IGFBP7: variants seen among roughly 807,000 people sequenced by gnomAD.
The protein encoded by IGFBP7 is insulin like growth factor binding protein 7.
In IGFBP7, 31 loss-of-function variants were observed where a neutral mutation model predicts 29.4. The ratio of observed to expected loss-of-function variants is 1.05; its 90% confidence interval spans 0.79 to 1.42. The LOEUF is 1.42. Among genes scored for constraint, IGFBP7 ranks in the 40% most tolerant of loss-of-function variants. The pLI is 0.00. For missense variants in IGFBP7, 393 were observed against 395.5 expected, an observed-to-expected ratio of 0.99 and a Z score of 0.05; for synonymous variants, 172 against 174.9, an observed-to-expected ratio of 0.98 and a Z score of 0.13.
intron 1 of IGFBP7, among the ~76,000 whole-genome samples, chr4:57,099,604 G>C (rs1412800060): frequency 6.6e-6 from 1 of 152,186 alleles, no homozygotes; most frequent in Non-Finnish European, 1.5e-5. Flanking sequence ...CCTGGAAAAT[G>C]ATCAAACAGC....
intron 1 of IGFBP7, 108 bp downstream of exon 1, chr4:57,109,769 G>A: frequency 7.6e-7 from 1 of 1,312,066 alleles, no homozygotes; most frequent in Non-Finnish European, 1.0e-6. Flanking sequence ...TGCCCGCGGG[G>A]GAATCGCAGT....
chr4:57,032,108 A>AC, intron 4 of IGFBP7: 1 of 277,956 alleles, frequency 3.6e-6, no homozygotes, highest in Non-Finnish European at 6.4e-6. Flanking sequence ...TTTAATAGTC[A>AC]CAACACAAAG....
rs371219045 is a variant in IGFBP7, at chr4:57,086,603, G to GA, written c.475+23273dup. On this transcript the variant is annotated intron_variant, in intron 1 of 4. Transcript: ENST00000295666. ...CCACTTATATTTTGGCATTTGTGGG[G>GA]ATAGCTTGTCACCTTTTTGTGGTAA... Among the ~76,000 whole-genome samples, 863 of 152,258 alleles carry GA rather than the reference G, an allele frequency of 5.7e-3. 5 individuals carry two copies. The highest frequency in any genetic ancestry group is 0.027 in the Middle Eastern group (8 of 294).
chr4:57,073,645 C>T (rs1725119624), intron 1 of IGFBP7, among the ~76,000 whole-genome samples: 1 of 151,946 alleles, frequency 6.6e-6, no homozygotes, highest in African/African-American at 2.4e-5. Flanking sequence ...TGCCCCAGAA[C>T]TGCCCAAGAT....
intron 1 of IGFBP7, among the ~76,000 whole-genome samples, chr4:57,071,032 G>A (rs552763852): frequency 2.0e-5 from 3 of 152,230 alleles, no homozygotes; most frequent in Admixed American, 1.3e-4. Flanking sequence ...AACACACCTG[G>A]CCCTGCAAGT....
intron 1 of IGFBP7, among the ~76,000 whole-genome samples, chr4:57,103,322 C>T (rs766950490): frequency 6.6e-6 from 1 of 152,170 alleles, no homozygotes; most frequent in Non-Finnish European, 1.5e-5. Flanking sequence ...TCTGTGACAG[C>T]GTCTCAGCTC....
chr4:57,046,820 C>T (rs1724372251), intron 1 of IGFBP7, among the ~76,000 whole-genome samples: 1 of 152,192 alleles, frequency 6.6e-6, no homozygotes, highest in Non-Finnish European at 1.5e-5. Context: ...GAGATGTCCA[C>T]CCAAGGTGGA....
chr4:57,048,135 T>A (rs1240579022), intron 1 of IGFBP7, among the ~76,000 whole-genome samples: 1 of 148,838 alleles, frequency 6.7e-6, no homozygotes, highest in East Asian at 2.0e-4. Context: ...CACTGCAAGC[T>A]CCACATCCTG....
chr4:57,084,298 C>A (rs1275786494), intron 1 of IGFBP7, among the ~76,000 whole-genome samples: 4 of 152,056 alleles, frequency 2.6e-5, no homozygotes, highest in Non-Finnish European at 4.4e-5. Flanking sequence ...TTAATAGGAG[C>A]ATATGCTGGA....
chr4:57,063,939 C>T (rs1724856043), intron 1 of IGFBP7, among the ~76,000 whole-genome samples: 2 of 152,294 alleles, frequency 1.3e-5, no homozygotes, highest in Admixed American at 6.5e-5. Context: ...AAGATTAACG[C>T]TGTAGCAACA....
intron 1 of IGFBP7, among the ~76,000 whole-genome samples, chr4:57,053,085 C>T (rs571834915): frequency 2.1e-4 from 31 of 147,666 alleles, no homozygotes; most frequent in African/African-American, 7.3e-4. Context: ...GGTACAATCT[C>T]GGCTCACTGC....
intron 1 of IGFBP7, among the ~76,000 whole-genome samples, chr4:57,049,685 G>C (rs1261849674): frequency 6.6e-6 from 1 of 152,126 alleles, no homozygotes; most frequent in Non-Finnish European, 1.5e-5. Context: ...GTGCATCACT[G>C]TTTTCTAATG....
At chr4:57,033,590 C>G (rs1180078689) in intron 2 of IGFBP7, among the ~76,000 whole-genome samples, 5 of 152,150 alleles carry the variant, frequency 3.3e-5, no homozygotes, top group Admixed American at 2.0e-4. Context: ...CCACTGGTCA[C>G]CATCATTCAT....
intron 1 of IGFBP7, among the ~76,000 whole-genome samples, chr4:57,091,963 C>T (rs565447475): frequency 6.6e-6 from 1 of 152,108 alleles, no homozygotes; most frequent in African/African-American, 2.4e-5. Flanking sequence ...GTGAAACAAG[C>T]GGTCAAATCA....
At chr4:57,048,968 A>G (rs536385610) in intron 1 of IGFBP7, among the ~76,000 whole-genome samples, 228 of 152,286 alleles carry the variant, frequency 1.5e-3, no homozygotes, top group African/African-American at 5.3e-3. Flanking sequence ...CCTATCATGA[A>G]TGTGTCCTAG....
intron 1 of IGFBP7, among the ~76,000 whole-genome samples, chr4:57,081,013 C>T (rs557604860): frequency 1.3e-5 from 2 of 152,340 alleles, no homozygotes; most frequent in South Asian, 4.2e-4. Flanking sequence ...CTGACAGATG[C>T]CATCTGGTCC....
intron 1 of IGFBP7, 65 bp from the exon 2 acceptor site, chr4:57,040,998 A>T (rs1724210210): frequency 1.9e-6 from 2 of 1,041,198 alleles, no homozygotes. Context: ...TCAGCATCTT[A>T]GGGAGAAAAT....
At chr4:57,105,906 A>ATT (rs1025344357) in intron 1 of IGFBP7, among the ~76,000 whole-genome samples, 3 of 40,778 alleles carry the variant, frequency 7.4e-5, no homozygotes, top group East Asian at 7.5e-4. Context: ...CCATTTTTTA[A>ATT]ATTTTTTTTT....
intron 3 of IGFBP7, 143 bp from the exon 4 acceptor site, chr4:57,032,695 G>C (rs1341180520): frequency 1.4e-6 from 1 of 708,218 alleles, no homozygotes; most frequent in Non-Finnish European, 2.5e-6. Flanking sequence ...TGCAAGTCCT[G>C]TGATAGGAGA....
Sources: allele counts gnomAD v4.1 joint callset (sites outside exome capture counted in the v4.1 genomes callset), GRCh38; gene constraint gnomAD v4.1.1; transcripts MANE v1.5; gene names NCBI Gene and HGNC (gene_info 2026-07-23, HGNC 2026-07-21).